COMMD10: variants seen among roughly 807,000 people sequenced by gnomAD.
COMMD10 encodes the protein COMM domain-containing protein 10.
Under a neutral mutation model 28.9 loss-of-function variants are expected in COMMD10, and 33 were observed. The ratio of observed to expected loss-of-function variants is 1.14; its 90% CI spans 0.87 to 1.53. The LOEUF (loss-of-function observed/expected upper bound fraction) is 1.53. Ranked by LOEUF, COMMD10 falls within the 40% of genes most tolerant of loss-of-function variation. COMMD10 has a pLI of 0.00. For missense variants in COMMD10, 310 were observed against 233.4 expected, an observed-to-expected ratio of 1.33 and a Z score of -2.14; for synonymous variants, 110 against 81.7, an observed-to-expected ratio of 1.35 and a Z score of -1.87.
chr5:116,220,842 C>A (rs1251705861), intron 5 of COMMD10, among the ~76,000 whole-genome samples: 1 of 151,860 alleles, frequency 6.6e-6, no homozygotes, highest in Non-Finnish European at 1.5e-5. Flanking sequence ...TAAATGAAAC[C>A]CTCCCTATAA....
At chr5:116,256,082 CA>C (rs1371862691) in intron 5 of COMMD10, among the ~76,000 whole-genome samples, 1 of 151,532 alleles carries the variant, frequency 6.6e-6, no homozygotes, top group African/African-American at 2.4e-5. Context: ...TAAAAAGTTC[CA>C]AAAGCATTTG....
At chr5:116,267,623 A>G (rs185843410) in intron 5 of COMMD10, among the ~76,000 whole-genome samples, 3,247 of 152,076 alleles carry the variant, frequency 0.021, 49 homozygotes, top group Non-Finnish European at 0.034. Flanking sequence ...GGAACCAAAA[A>G]AGAGCCTGCA....
chr5:116,162,348 C>A (rs1472413626), intron 5 of COMMD10, among the ~76,000 whole-genome samples: 4 of 151,992 alleles, frequency 2.6e-5, no homozygotes, highest in Non-Finnish European at 2.9e-5. Context: ...TAAGTAGTTT[C>A]ATTGACCTAT....
chr5:116,090,459 G>A (rs1750259672), intron 2 of COMMD10, among the ~76,000 whole-genome samples: 1 of 152,134 alleles, frequency 6.6e-6, no homozygotes, highest in Non-Finnish European at 1.5e-5. Flanking sequence ...TGTGGCCTTT[G>A]CACTTCAAAA....
chr5:116,252,340 T>C (rs1750144205), intron 5 of COMMD10, among the ~76,000 whole-genome samples: 1 of 142,722 alleles, frequency 7.0e-6, no homozygotes, highest in Non-Finnish European at 1.5e-5. Context: ...TTTGTTGCCA[T>C]TGCTTTTGGT....
chr5:116,241,189 T>C (rs761448048), intron 5 of COMMD10, among the ~76,000 whole-genome samples: 2 of 152,162 alleles, frequency 1.3e-5, no homozygotes, highest in Non-Finnish European at 2.9e-5. Context: ...GTATCATCTT[T>C]AGTAAAAAGG....
intron 4 of COMMD10, among the ~76,000 whole-genome samples, chr5:116,100,939 T>A (rs1750639816): frequency 6.6e-6 from 1 of 152,192 alleles, no homozygotes; most frequent in Non-Finnish European, 1.5e-5. Flanking sequence ...TTCCACTTTT[T>A]ACATCCATGT....
intron 5 of COMMD10, among the ~76,000 whole-genome samples, chr5:116,190,979 TTTCTAC>T (rs1748351509): frequency 6.6e-6 from 1 of 152,182 alleles, no homozygotes; most frequent in African/African-American, 2.4e-5. Context: ...AATAAGCACT[TTTCTAC>T]ATTTTACACC....
intron 5 of COMMD10, among the ~76,000 whole-genome samples, chr5:116,267,299 C>T (rs1750613400): frequency 6.6e-6 from 1 of 151,756 alleles, no homozygotes; most frequent in Admixed American, 6.6e-5. Context: ...TCCTATACAC[C>T]AATAACAGAC....
chr5:116,273,891 A>G (rs1388565317), intron 5 of COMMD10, among the ~76,000 whole-genome samples: 3 of 151,670 alleles, frequency 2.0e-5, no homozygotes, highest in African/African-American at 4.9e-5. Flanking sequence ...GAAAAGAGAA[A>G]ATTTGAGGGT....
chr5:116,107,179 A>T lies in COMMD10; in HGVS notation c.399+14479A>T, dbSNP rs955660969. ...CTCGGGGTTGCTCTTCTCGAGGAGTATCTTTGCGGTGTTCCCTCTATTTCC... is the reference window on the plus strand; with the variant it reads ...CTCGGGGTTGCTCTTCTCGAGGAGTTTCTTTGCGGTGTTCCCTCTATTTCC... On this transcript the variant is annotated intron_variant, in intron 4 of 6. Coordinates refer to ENST00000274458, the MANE Select transcript of COMMD10 (RefSeq NM_016144.4). 4.6e-5 allele frequency among the ~76,000 whole-genome samples: 7 copies of T among 151,950 alleles called. No individual in the cohort carries two copies. In the East Asian group the frequency reaches 9.7e-4, roughly 21 times the overall value.
intron 4 of COMMD10, among the ~76,000 whole-genome samples, chr5:116,112,020 A>T (rs1225183745): frequency 6.6e-6 from 1 of 152,032 alleles, no homozygotes; most frequent in Admixed American, 6.6e-5. Context: ...CAGGTTTTAT[A>T]CTTTTGTGTT....
chr5:116,158,152 C>CCCTCCCTCCCTTCCCCTCCCTCCCTCCT (rs1752786860), intron 5 of COMMD10, among the ~76,000 whole-genome samples: 1 of 85,622 alleles, frequency 1.2e-5, no homozygotes, highest in African/African-American at 5.7e-5. Context: ...CCCTCCCTTC[C>CCCTCCCTCCCTTCCCCTCCCTCCCTCCT]CCTCCCTCCC....
chr5:116,195,723 A>G (rs889551243), intron 5 of COMMD10, among the ~76,000 whole-genome samples: 3 of 152,052 alleles, frequency 2.0e-5, no homozygotes, highest in Non-Finnish European at 2.9e-5. Flanking sequence ...ATTGTTTAAT[A>G]TTACTCAAAT....
intron 5 of COMMD10, among the ~76,000 whole-genome samples, chr5:116,197,010 TAC>T (rs1561662330): frequency 3.3e-5 from 5 of 152,194 alleles, no homozygotes; most frequent in African/African-American, 1.2e-4. Flanking sequence ...ATTTTCTTTT[TAC>T]AGATTTTCAG....
At chr5:116,157,388 G>A (rs908349012) in intron 5 of COMMD10, among the ~76,000 whole-genome samples, 1 of 152,180 alleles carries the variant, frequency 6.6e-6, no homozygotes, top group African/African-American at 2.4e-5. Context: ...GGGCTTGGCT[G>A]ATCCAAGGCT....
chr5:116,256,089 A>T (rs1302997035), intron 5 of COMMD10, among the ~76,000 whole-genome samples: 3 of 151,698 alleles, frequency 2.0e-5, no homozygotes, highest in Admixed American at 2.0e-4. Context: ...TTCCAAAAGC[A>T]TTTGAAAAAT....
intron 4 of COMMD10, among the ~76,000 whole-genome samples, chr5:116,103,958 T>C (rs1350578859): frequency 6.6e-6 from 1 of 152,170 alleles, no homozygotes; most frequent in East Asian, 1.9e-4. Flanking sequence ...CAGATGGTTG[T>C]AGATGTGTGG....
intron 5 of COMMD10, among the ~76,000 whole-genome samples, chr5:116,222,428 A>T (rs554519546): frequency 6.6e-6 from 1 of 152,330 alleles, no homozygotes; most frequent in African/African-American, 2.4e-5. Flanking sequence ...CCATTAGGGT[A>T]TCAAAGTCTT....
Sources: allele counts gnomAD v4.1 joint callset (sites outside exome capture counted in the v4.1 genomes callset), GRCh38; gene constraint gnomAD v4.1.1; transcripts MANE v1.5; gene names NCBI Gene and HGNC (gene_info 2026-07-23, HGNC 2026-07-21).